IL1RAPL2: variants seen among roughly 807,000 people sequenced by gnomAD.
IL1RAPL2 encodes the protein X-linked interleukin-1 receptor accessory protein-like 2.
In IL1RAPL2, 3 loss-of-function variants were observed where a neutral mutation model predicts 44.1. The ratio of observed to expected loss-of-function variants is 0.07; its 90% CI spans 0.03 to 0.18. The LOEUF is 0.18. IL1RAPL2 is among the 10% of genes least tolerant of loss of function. The probability of loss-of-function intolerance (pLI) is 1.00; values close to 1 mark genes in which losing one functional copy is unlikely to be tolerated. For synonymous variants in IL1RAPL2, 181 were observed against 178.8 expected (o/e 1.01, Z -0.10); for missense variants, 391 against 496.4 (o/e 0.79, Z 2.02).
At chrX:105,212,044 G>A (rs1405678225) in intron 3 of IL1RAPL2, among the ~76,000 whole-genome samples, 2 of 112,070 alleles carry the variant, frequency 1.8e-5, no homozygotes, top group Non-Finnish European at 3.8e-5. Flanking sequence ...CAGCTGTTTG[G>A]GCAGACACTG....
intron 8 of IL1RAPL2, among the ~76,000 whole-genome samples, chrX:105,744,796 G>C (rs1056542852): frequency 2.7e-5 from 3 of 111,655 alleles, no homozygotes; most frequent in African/African-American, 9.8e-5. Flanking sequence ...TCAGTAAGAA[G>C]TTCATCCTAA....
In IL1RAPL2 at chrX:104,601,125, C is replaced by A. The variant is rs1025406928; in HGVS notation, c.-20+34074C>A. On this transcript the variant is annotated intron_variant, in intron 1 of 10. Coordinates refer to ENST00000372582, the MANE Select transcript of IL1RAPL2 (RefSeq NM_017416.2). ...TAGATATGATATGCAAACCATGGAG[C>A]AATTTTCTTTTTTTTTATTATACTT... is the stretch of plus-strand genomic sequence containing the variant. Among the ~76,000 whole-genome samples the A allele has an allele frequency of 2.7e-5, 3 of 111,308 alleles. No homozygotes were observed. The Admixed American group carries it at 2.9e-4, about 11-fold the overall frequency.
At chrX:104,603,224 G>A (rs185784698) in intron 1 of IL1RAPL2, among the ~76,000 whole-genome samples, 2 of 111,388 alleles carry the variant, frequency 1.8e-5, no homozygotes, top group East Asian at 2.9e-4. Context: ...CCAGCAGACC[G>A]GCAGCAGAGG....
In IL1RAPL2 at chrX:104,614,556, G is replaced by A. The variant is rs186895955; in HGVS notation, c.-19-44339G>A. ...TGAGGTCCAACTGATCAAATGTTGA[G>A]TTCAAGTCCAGGATTTCTTTGTTAG... is the stretch of plus-strand genomic sequence containing the variant. On this transcript the variant is annotated intron_variant, in intron 1 of 10. Coordinates refer to ENST00000372582, the MANE Select transcript of IL1RAPL2 (RefSeq NM_017416.2). Among the ~76,000 whole-genome samples the A allele has an allele frequency of 4.5e-3, 503 of 111,630 alleles. 3 individuals carry two copies. The highest frequency in any genetic ancestry group is 0.015 in the African/African-American group (470 of 30,784).
intron 6 of IL1RAPL2, among the ~76,000 whole-genome samples, chrX:105,667,874 AATACAAGT>A (rs2037784169): frequency 9.0e-6 from 1 of 111,596 alleles, no homozygotes; most frequent in Admixed American, 9.5e-5. Context: ...AGGATGAGTC[AATACAAGT>A]ATACAAGTAA....
At chrX:105,684,043 G>T (rs2037947634) in intron 6 of IL1RAPL2, among the ~76,000 whole-genome samples, 1 of 111,973 alleles carries the variant, frequency 8.9e-6, no homozygotes, top group African/African-American at 3.2e-5. Context: ...AACCCAAAAG[G>T]ATATCAACTG....
At chrX:105,476,739 A>G (rs2036200004) in intron 5 of IL1RAPL2, among the ~76,000 whole-genome samples, 1 of 112,489 alleles carries the variant, frequency 8.9e-6, no homozygotes, top group South Asian at 3.6e-4. Context: ...TTGATTATTA[A>G]TGAACATTGA....
intron 1 of IL1RAPL2, among the ~76,000 whole-genome samples, chrX:104,619,006 C>G (rs5917109): frequency 0.36 from 40,202 of 110,915 alleles, 5,908 homozygotes; most frequent in East Asian, 0.62. Context: ...ATCAAGCTGG[C>G]CTTGGCTGCA....
intron 2 of IL1RAPL2, among the ~76,000 whole-genome samples, chrX:104,745,851 T>C (rs1244541412): frequency 9.0e-6 from 1 of 111,358 alleles, no homozygotes; most frequent in Admixed American, 9.5e-5. Context: ...AGAACAGGTA[T>C]TTATTAAGAA....
At chrX:105,417,704 A>G (rs779941055) in intron 5 of IL1RAPL2, among the ~76,000 whole-genome samples, 1 of 111,970 alleles carries the variant, frequency 8.9e-6, no homozygotes, top group South Asian at 3.7e-4. Flanking sequence ...AGTAAATGGC[A>G]GGATGAAAAG....
chrX:105,445,059 T>G (rs1205915285), intron 5 of IL1RAPL2, among the ~76,000 whole-genome samples: 2 of 111,833 alleles, frequency 1.8e-5, no homozygotes, highest in Non-Finnish European at 3.8e-5. Flanking sequence ...TATTATGGCT[T>G]TGACCTTGTT....
At chrX:104,831,100 G>C (rs1267055678) in intron 2 of IL1RAPL2, among the ~76,000 whole-genome samples, 1 of 111,529 alleles carries the variant, frequency 9.0e-6, no homozygotes, top group Non-Finnish European at 1.9e-5. Context: ...GTAGCACTTT[G>C]AACTAATTTT....
At chrX:104,945,251 A>G (rs749826064) in intron 2 of IL1RAPL2, among the ~76,000 whole-genome samples, 3 of 110,897 alleles carry the variant, frequency 2.7e-5, no homozygotes, top group South Asian at 7.6e-4. Context: ...TGACAAAATA[A>G]AGTTTAAAGA....
Position 104,672,431 on chromosome X carries a change from A to G in IL1RAPL2, c.82+13436A>G, listed in dbSNP as rs868856582. On this transcript the variant is annotated intron_variant, in intron 2 of 10. Coordinates refer to ENST00000372582, the MANE Select transcript of IL1RAPL2 (RefSeq NM_017416.2). ...TCCATAAAAAGGACATGAACTCATC[A>G]TTTTTTATGGCTGCATAGTATTCCA... Among the ~76,000 whole-genome samples the G allele has an allele frequency of 6.4e-5, 7 of 108,982 alleles. No individual in the cohort carries two copies. The South Asian group carries it at 2.0e-3, about 31-fold the overall frequency. 94.6% of individuals were successfully genotyped at this position (108,982 alleles called of 115,157 possible). A position where few individuals can be genotyped will look rare whatever the true frequency, so the allele number is the denominator to read the frequency against.
At chrX:104,715,548 T>C (rs183721406) in intron 2 of IL1RAPL2, among the ~76,000 whole-genome samples, 430 of 109,464 alleles carry the variant, frequency 3.9e-3, no homozygotes, top group African/African-American at 0.014. Context: ...GCCCAAACTC[T>C]TCTTAAGCTG....
At chrX:104,636,220 G>A (rs1229794459) in intron 1 of IL1RAPL2, among the ~76,000 whole-genome samples, 1 of 111,722 alleles carries the variant, frequency 9.0e-6, no homozygotes, top group African/African-American at 3.3e-5. Context: ...TCTCAGAGGA[G>A]TACCCGGGCA....
At chrX:104,983,457 AATATTAGATACATAATATTATATAATATT>A (rs1556024632) in intron 2 of IL1RAPL2, among the ~76,000 whole-genome samples, 6 of 40,881 alleles carry the variant, frequency 1.5e-4, no homozygotes, top group South Asian at 7.2e-4. Context: ...AATATTATAT[AATATTAGATACATAATATTATATAATATT>A]ATATTAGATA....
At chrX:104,949,877 GA>G (rs1925520653) in intron 2 of IL1RAPL2, among the ~76,000 whole-genome samples, 2 of 111,241 alleles carry the variant, frequency 1.8e-5, no homozygotes, top group Non-Finnish European at 3.8e-5. Context: ...GTGTGGTGCT[GA>G]AAAAAATGTA....
At chrX:104,880,252 A>G (rs1206435813) in intron 2 of IL1RAPL2, among the ~76,000 whole-genome samples, 1 of 110,984 alleles carries the variant, frequency 9.0e-6, no homozygotes, top group Non-Finnish European at 1.9e-5. Context: ...AGCTAGTAAA[A>G]TTCTCCCATG....
Sources: gnomAD v4.1 joint callset for allele counts (sites outside exome capture counted in the v4.1 genomes callset) on GRCh38, gnomAD v4.1.1 for gene constraint, MANE v1.5 for transcripts, NCBI Gene and HGNC (gene_info 2026-07-23, HGNC 2026-07-21) for gene names.